The following SEMA5A variants were observed in gnomAD, a reference collection of about 807,000 sequenced individuals.
SEMA5A encodes semaphorin-5A.
A neutral mutation model predicts 135.5 loss-of-function variants in SEMA5A; 55 were observed. The observed-to-expected ratio is 0.41, with a 90% CI of 0.33 to 0.51. The LOEUF (loss-of-function observed/expected upper bound fraction) is 0.51, where lower values mean the gene tolerates loss of function less well. Among genes scored for constraint, SEMA5A ranks in the 20% least tolerant of loss-of-function variants. The pLI is 0.37. For synonymous variants in SEMA5A, 580 were observed against 546.5 expected (o/e 1.06, Z -0.85); for missense variants, 1,290 against 1,419.9 (o/e 0.91, Z 1.47).
intron 8 of SEMA5A, 141 bp from the exon 9 acceptor site, chr5:9,202,381 TGAGCAG>T: frequency 1.6e-6 from 1 of 641,824 alleles, no homozygotes; most frequent in Non-Finnish European, 2.4e-6. Context: ...GGAGGCCCCG[TGAGCAG>T]CTTAATGATC....
intron 11 of SEMA5A, among the ~76,000 whole-genome samples, chr5:9,159,675 C>T (rs1407690530): frequency 6.6e-6 from 1 of 152,102 alleles, no homozygotes; most frequent in Non-Finnish European, 1.5e-5. Flanking sequence ...CCAGAAATAC[C>T]ATTTGACCCA....
At chr5:9,187,669 AC>A (rs1459573113) in intron 11 of SEMA5A, among the ~76,000 whole-genome samples, 1 of 152,236 alleles carries the variant, frequency 6.6e-6, no homozygotes, top group East Asian at 1.9e-4. Context: ...ATCTTGATGT[AC>A]ATGTACAACA....
chr5:9,447,547 C>CA (rs1758479316), intron 1 of SEMA5A, among the ~76,000 whole-genome samples: 1 of 152,182 alleles, frequency 6.6e-6, no homozygotes, highest in South Asian at 2.1e-4. Flanking sequence ...CGCATTACGG[C>CA]ATGCAGGCAA....
chr5:9,310,475 T>C (rs930987875), intron 5 of SEMA5A, among the ~76,000 whole-genome samples: 2 of 152,042 alleles, frequency 1.3e-5, no homozygotes, highest in Non-Finnish European at 2.9e-5. Flanking sequence ...GAGCTCAGAA[T>C]CATGATTTTT....
intron 1 of SEMA5A, among the ~76,000 whole-genome samples, chr5:9,527,521 G>A (rs754190144): frequency 5.9e-5 from 9 of 152,094 alleles, no homozygotes; most frequent in Non-Finnish European, 1.0e-4. Flanking sequence ...TCCTGTGCAG[G>A]TGACCAAACA....
In SEMA5A at chr5:9,040,638, A is replaced by G. The variant is rs1735908989; in HGVS notation, c.*2259T>C. The G allele has an allele frequency of 6.6e-6, 1 of 152,244 alleles. No individual in the cohort carries two copies. Among genetic ancestry groups the G allele is most frequent in the African/African-American group, 2.4e-5 (1 of 41,460 alleles). 9.4% of individuals were successfully genotyped at this position (152,244 alleles called of 1,614,324 possible). On this transcript the variant is annotated 3_prime_UTR_variant, in exon 23 of 23. Coordinates refer to ENST00000382496, the MANE Select transcript of SEMA5A (RefSeq NM_003966.3). ...GGGATTCTTTTGCAATGCTAATTTC[A>G]AAGGTTTGTTTATATTATTAACAAC...
chr5:9,050,441 T>A lies in SEMA5A; in HGVS notation c.2862A>T (p.Arg954Ser), dbSNP rs1312252769. Reference protein sequence around the residue: ...SNFIPEVSVARSSSVEEKRCG... With the variant: ...SNFIPEVSVASSSSVEEKRCG... The stretch of plus-strand genomic sequence containing the variant: ...ACCTTTTCTCTTCTACGCTACTGGA[T>A]CTTGCCACAGATACTTCTGGAAAAA... Residue 954 changes from arginine to serine, a missense_variant, in exon 21 of 23, where the codon AGA (arginine) becomes AGT (serine). Around this residue, in one of 3 missense-constraint regions of SEMA5A, gnomAD observed 1,029 missense variants for 1,086.6 expected, o/e 0.95. Coordinates refer to ENST00000382496, the MANE Select transcript of SEMA5A (RefSeq NM_003966.3). 6.2e-7 allele frequency: 1 copy of A among 1,612,890 alleles called. No individual in the cohort carries two copies.
At chr5:9,085,029 C>T (rs1018565643) in intron 16 of SEMA5A, among the ~76,000 whole-genome samples, 1 of 152,088 alleles carries the variant, frequency 6.6e-6, no homozygotes, top group Non-Finnish European at 1.5e-5. Flanking sequence ...TCCCCCTGCT[C>T]TGGAGATCTG....
At chr5:9,302,889 T>A (rs1050437947) in intron 5 of SEMA5A, among the ~76,000 whole-genome samples, 4 of 152,210 alleles carry the variant, frequency 2.6e-5, no homozygotes, top group South Asian at 2.1e-4. Context: ...CCAGATTTTT[T>A]AATTTTGCCT....
chr5:9,138,185 G>C (rs1314742012), intron 12 of SEMA5A, among the ~76,000 whole-genome samples: 2 of 152,050 alleles, frequency 1.3e-5, no homozygotes, highest in African/African-American at 2.4e-5. Context: ...CTTGATATGC[G>C]ACCATATGCA....
chr5:9,107,069 G>T (rs1739958054), intron 16 of SEMA5A, among the ~76,000 whole-genome samples: 1 of 152,194 alleles, frequency 6.6e-6, no homozygotes, highest in African/African-American at 2.4e-5. Context: ...CAGCACAAAA[G>T]CATTGCTCAG....
At chr5:9,265,912 G>C (rs1428701645) in intron 5 of SEMA5A, among the ~76,000 whole-genome samples, 27 of 152,172 alleles carry the variant, frequency 1.8e-4, no homozygotes, top group Admixed American at 1.8e-3. Flanking sequence ...GGCGGAGAAG[G>C]GCAGTGTTTT....
intron 3 of SEMA5A, among the ~76,000 whole-genome samples, chr5:9,376,219 C>T (rs977385222): frequency 5.9e-5 from 9 of 152,108 alleles, no homozygotes; most frequent in Admixed American, 3.9e-4. Context: ...CAGGCACCTC[C>T]GAATCCCCAC....
chr5:9,462,251 A>T (rs1759085317), intron 1 of SEMA5A, among the ~76,000 whole-genome samples: 1 of 152,208 alleles, frequency 6.6e-6, no homozygotes, highest in African/African-American at 2.4e-5. Flanking sequence ...CGTTGAAGAA[A>T]TGCAAACCAA....
At chr5:9,162,302 G>T (rs951803818) in intron 11 of SEMA5A, among the ~76,000 whole-genome samples, 1 of 151,512 alleles carries the variant, frequency 6.6e-6, no homozygotes, top group African/African-American at 2.4e-5. Flanking sequence ...AAATCACAGG[G>T]GAAATCAGAT....
chr5:9,314,196 C>T (rs576503772), intron 5 of SEMA5A, among the ~76,000 whole-genome samples: 1 of 152,018 alleles, frequency 6.6e-6, no homozygotes, highest in Non-Finnish European at 1.5e-5. Context: ...TGGTAGAAAA[C>T]CATCTTTCTA....
intron 1 of SEMA5A, among the ~76,000 whole-genome samples, chr5:9,514,300 T>A (rs1736384497): frequency 6.6e-6 from 1 of 152,226 alleles, no homozygotes. Flanking sequence ...GACCCGTAAC[T>A]TAATCACATC....
At position 9,239,892 on chromosome 5, in the gene SEMA5A, G is replaced by T. The variant is rs1806001; in HGVS notation, c.271-2002C>A. On this transcript the variant is annotated intron_variant, in intron 5 of 22. Coordinates refer to ENST00000382496, the MANE Select transcript of SEMA5A (RefSeq NM_003966.3). ...ATAAACATGAAAGCTATAAAGAGAAGGATTAGTCCCAGGGCTAAGGAAGAA... is the reference window on the plus strand; with the variant it reads ...ATAAACATGAAAGCTATAAAGAGAATGATTAGTCCCAGGGCTAAGGAAGAA... Among the ~76,000 whole-genome samples, 1,506 of 152,040 alleles carry T rather than the reference G, an allele frequency of 9.9e-3. 29 individuals are homozygous for T. The highest frequency in any genetic ancestry group is 0.035 in the African/African-American group (1,453 of 41,496).
At chr5:9,126,922 C>A (rs1183838399) in intron 13 of SEMA5A, among the ~76,000 whole-genome samples, 1 of 152,154 alleles carries the variant, frequency 6.6e-6, no homozygotes, top group African/African-American at 2.4e-5. Context: ...TCTGTGGTAA[C>A]CAGCTTAAAG....
Sources: gnomAD v4.1 joint callset for allele counts (sites outside exome capture counted in the v4.1 genomes callset) on GRCh38, gnomAD v4.1.1 for gene constraint, gnomAD v4.1.1 regional missense constraint, MANE v1.5 for transcripts, NCBI Gene and HGNC (gene_info 2026-07-23, HGNC 2026-07-21) for gene names.